Variants in LIN28B observed in about 807,000 individuals in gnomAD.
The protein encoded by LIN28B is lin-28 RNA binding posttranscriptional regulator B.
LIN28B carries 5 observed loss-of-function variants against 21.9 expected under a neutral mutation model. The ratio of observed to expected loss-of-function variants is 0.23; its 90% CI spans 0.12 to 0.48. The LOEUF (loss-of-function observed/expected upper bound fraction) is 0.48. Ranked by LOEUF, LIN28B falls within the 20% of genes least tolerant of loss-of-function variation. LIN28B has a pLI of 0.98. For missense variants in LIN28B, 245 were observed against 310.5 expected, an observed-to-expected ratio of 0.79 and a Z score of 1.58; for synonymous variants, 109 against 111.3, an observed-to-expected ratio of 0.98 and a Z score of 0.13.
intron 2 of LIN28B, chr6:104,950,453 G>A (rs1778208055): frequency 8.2e-6 from 10 of 1,224,678 alleles, no homozygotes; most frequent in Non-Finnish European, 9.2e-6. Context: ...TGAGCTCTCT[G>A]ATTTTAGGTT....
chr6:105,017,072 C>T (rs1345637783), intron 2 of LIN28B, among the ~76,000 whole-genome samples: 2 of 86,068 alleles, frequency 2.3e-5, no homozygotes, highest in Admixed American at 2.9e-4. Flanking sequence ...GACTCTGTCT[C>T]AAAAAAAAAA....
upstream of LIN28B, among the ~76,000 whole-genome samples, chr6:104,952,239 A>G (rs1311776460): frequency 6.6e-6 from 1 of 152,216 alleles, no homozygotes; most frequent in Non-Finnish European, 1.5e-5. Flanking sequence ...ATTTATTGCA[A>G]AAAGACCTTT....
At chr6:104,985,531 A>G (rs771696332) in intron 2 of LIN28B, among the ~76,000 whole-genome samples, 1 of 152,140 alleles carries the variant, frequency 6.6e-6, no homozygotes, top group East Asian at 1.9e-4. Flanking sequence ...CAGTTTTTAT[A>G]TATTTGTTCA....
At chr6:105,013,775 C>G (rs1302528322) in intron 2 of LIN28B, among the ~76,000 whole-genome samples, 1 of 151,496 alleles carries the variant, frequency 6.6e-6, no homozygotes, top group East Asian at 1.9e-4. Flanking sequence ...AAAAATTATA[C>G]AACTTAATCT....
chr6:104,942,416 C>T (rs1020229797), intron 2 of LIN28B, among the ~76,000 whole-genome samples: 5 of 151,994 alleles, frequency 3.3e-5, no homozygotes, highest in Admixed American at 2.6e-4. Flanking sequence ...AAGTATAAAA[C>T]ATCACAGTTT....
Position 104,958,117 on chromosome 6 carries a change from G to A in LIN28B, c.29G>A (p.Gly10Asp), listed in dbSNP as rs770894634. 5 of 1,596,584 alleles carry A rather than the reference G, an allele frequency of 3.1e-6. No homozygotes were observed. In the Admixed American group the frequency reaches 5.0e-5, roughly 16 times the overall value. The change falls in exon 2 of 4, where the codon GGT becomes GAT. Residue 10 changes from glycine to aspartate, a missense_variant. Physicochemically the swap from Gly to Asp is moderately conservative, Grantham distance 94. Coordinates refer to ENST00000345080, the MANE Select transcript of LIN28B (RefSeq NM_001004317.4). MAEGGASKG[G>D]GEEPGKLPEP... ...TTCTCAGGCGGGGCTAGCAAAGGTG[G>A]TGGAGAAGAGCCCGGGAAGCTGCCG...
chr6:104,966,854 G>A (rs1460136299), intron 2 of LIN28B, among the ~76,000 whole-genome samples: 2 of 151,976 alleles, frequency 1.3e-5, no homozygotes, highest in Non-Finnish European at 2.9e-5. Flanking sequence ...ATCTCCTGAC[G>A]TTGTGATCCG....
intron 3 of LIN28B, among the ~76,000 whole-genome samples, chr6:105,077,157 G>A (rs576299079): frequency 1.3e-3 from 200 of 152,120 alleles, no homozygotes; most frequent in Admixed American, 0.013. Context: ...CCAAATCCGG[G>A]AGGCAGAGGT....
At chr6:104,989,097 G>T (rs541025304) in intron 2 of LIN28B, among the ~76,000 whole-genome samples, 1 of 151,714 alleles carries the variant, frequency 6.6e-6, no homozygotes, top group Admixed American at 6.6e-5. Flanking sequence ...ATCTTGCTAG[G>T]GATATATTTA....
chr6:105,023,370 AATAT>A (rs1295096367), intron 2 of LIN28B, among the ~76,000 whole-genome samples: 2 of 9,244 alleles, frequency 2.2e-4, no homozygotes, highest in African/African-American at 1.1e-3. Context: ...TATTATATAT[AATAT>A]ATATAATTAT....
intron 2 of LIN28B, among the ~76,000 whole-genome samples, chr6:104,982,313 C>CAAAAAAA (rs146674332): frequency 8.0e-6 from 1 of 125,714 alleles, no homozygotes. Flanking sequence ...GACTTCATCT[C>CAAAAAAA]AAAAAAAAAA....
chr6:105,026,989 G>C (rs1771299150), intron 3 of LIN28B, among the ~76,000 whole-genome samples: 1 of 151,946 alleles, frequency 6.6e-6, no homozygotes, highest in Non-Finnish European at 1.5e-5. Flanking sequence ...GTATATTATA[G>C]AATATTTCAT....
At chr6:104,945,932 G>A (rs868476970) in intron 2 of LIN28B, among the ~76,000 whole-genome samples, 2 of 152,060 alleles carry the variant, frequency 1.3e-5, no homozygotes, top group East Asian at 3.9e-4. Flanking sequence ...TATTTGAAGA[G>A]AATGATAGAG....
intron 3 of LIN28B, among the ~76,000 whole-genome samples, chr6:105,029,677 A>G (rs1328935834): frequency 6.6e-6 from 1 of 152,230 alleles, no homozygotes; most frequent in East Asian, 1.9e-4. Flanking sequence ...CCAAAGACCC[A>G]CATAAGAATA....
intron 2 of LIN28B, among the ~76,000 whole-genome samples, chr6:104,967,595 A>G (rs898850925): frequency 9.3e-5 from 14 of 149,768 alleles, no homozygotes; most frequent in Non-Finnish European, 1.6e-4. Flanking sequence ...AAAAAAAAAA[A>G]AAAAGAAAGA....
intron 3 of LIN28B, among the ~76,000 whole-genome samples, chr6:105,069,441 T>G (rs1252611441): frequency 1.3e-5 from 2 of 151,686 alleles, no homozygotes; most frequent in Non-Finnish European, 2.9e-5. Flanking sequence ...GAGCTGTAAA[T>G]TTGCTGGGTG....
chr6:104,939,409 T>C (rs1488757536), intron 2 of LIN28B: 8 of 152,222 alleles, frequency 5.3e-5, no homozygotes, highest in Non-Finnish European at 2.9e-5. Flanking sequence ...TCCAGGGAAT[T>C]TGCTGAAGGT....
chr6:104,950,386 A>C, intron 2 of LIN28B: 141 of 696,938 alleles, frequency 2.0e-4, no homozygotes, highest in South Asian at 3.6e-4. Flanking sequence ...ATTGCTTTCT[A>C]ATGGCCATTA....
intron 2 of LIN28B, among the ~76,000 whole-genome samples, chr6:104,983,524 G>A: frequency 6.6e-6 from 1 of 152,154 alleles, no homozygotes; most frequent in South Asian, 2.1e-4. Flanking sequence ...CAGTTTTACT[G>A]TCAAATCTTG....
Sources: allele counts gnomAD v4.1 joint callset (sites outside exome capture counted in the v4.1 genomes callset), GRCh38; gene constraint gnomAD v4.1.1; transcripts MANE v1.5; gene names NCBI Gene and HGNC (gene_info 2026-07-23, HGNC 2026-07-21).